Variants in UNC5D observed in about 807,000 individuals in gnomAD.
UNC5D encodes the protein unc-5 netrin receptor D, also known as netrin receptor UNC5D.
In UNC5D, 39 loss-of-function variants were observed where a neutral mutation model predicts 105.4. That is an observed-to-expected ratio of 0.37 (90% confidence interval 0.29 to 0.48). The LOEUF is 0.48. Ranked by LOEUF, UNC5D falls within the 20% of genes least tolerant of loss-of-function variation. The pLI, the probability that UNC5D is intolerant of heterozygous loss-of-function variation, is 0.98. For synonymous variants in UNC5D, 452 were observed against 450.4 expected, an observed-to-expected ratio of 1.00 and a Z score of -0.04; for missense variants, 991 against 1,202.4, an observed-to-expected ratio of 0.82 and a Z score of 2.60.
chr8:35,729,862 T>C (rs1225553117), intron 10 of UNC5D, among the ~76,000 whole-genome samples: 1 of 152,248 alleles, frequency 6.6e-6, no homozygotes, highest in Non-Finnish European at 1.5e-5. Context: ...TGGTGAAAGA[T>C]ACTGATAACT....
At chr8:35,349,970 T>A (rs1256790935) in intron 1 of UNC5D, among the ~76,000 whole-genome samples, 1 of 152,010 alleles carries the variant, frequency 6.6e-6, no homozygotes, top group Non-Finnish European at 1.5e-5. Context: ...GTGTCTACAT[T>A]GAATTGTCCA....
intron 1 of UNC5D, among the ~76,000 whole-genome samples, chr8:35,258,448 A>G (rs578031916): frequency 6.6e-5 from 10 of 152,274 alleles, no homozygotes; most frequent in Middle Eastern, 3.4e-3. Context: ...AGACTACTTG[A>G]GTTAGGATTC....
intron 2 of UNC5D, among the ~76,000 whole-genome samples, chr8:35,553,500 T>G (rs1816316908): frequency 6.6e-6 from 1 of 152,220 alleles, no homozygotes; most frequent in Non-Finnish European, 1.5e-5. Flanking sequence ...TAGCAGTTAC[T>G]TTTTTGTAAA....
chr8:35,313,472 A>T (rs1809050797), intron 1 of UNC5D, among the ~76,000 whole-genome samples: 1 of 152,176 alleles, frequency 6.6e-6, no homozygotes, highest in African/African-American at 2.4e-5. Context: ...TCCATATGGA[A>T]GTTTGCGATT....
At chr8:35,721,809 T>G (rs1025719671) in intron 8 of UNC5D, among the ~76,000 whole-genome samples, 1 of 152,232 alleles carries the variant, frequency 6.6e-6, no homozygotes, top group Non-Finnish European at 1.5e-5. Context: ...GCAGAGCAGA[T>G]CACCCATATT....
At chr8:35,710,345 T>G (rs1294322176) in intron 8 of UNC5D, among the ~76,000 whole-genome samples, 1 of 152,186 alleles carries the variant, frequency 6.6e-6, no homozygotes, top group African/African-American at 2.4e-5. Flanking sequence ...TTCCAAAATT[T>G]TGGCTATGCA....
intron 1 of UNC5D, among the ~76,000 whole-genome samples, chr8:35,490,601 C>G (rs1237348227): frequency 6.6e-6 from 1 of 151,896 alleles, no homozygotes; most frequent in African/African-American, 2.4e-5. Flanking sequence ...TATATCAAAC[C>G]TGAAATAAAG....
intron 1 of UNC5D, among the ~76,000 whole-genome samples, chr8:35,249,014 A>G (rs1204680700): frequency 2.4e-4 from 15 of 61,862 alleles, no homozygotes; most frequent in Non-Finnish European, 3.9e-4. Flanking sequence ...TATATAATAT[A>G]TATTATATAT....
chr8:35,777,020 C>T (rs1802279972), intron 16 of UNC5D, among the ~76,000 whole-genome samples: 1 of 152,154 alleles, frequency 6.6e-6, no homozygotes, highest in African/African-American at 2.4e-5. Flanking sequence ...CTTTGGGAGG[C>T]CAAGGTGGGC....
intron 1 of UNC5D, among the ~76,000 whole-genome samples, chr8:35,469,999 G>A (rs892781133): frequency 2.6e-5 from 4 of 152,170 alleles, no homozygotes; most frequent in Admixed American, 1.3e-4. Flanking sequence ...GATGAAGGAT[G>A]TTGTAAACAT....
chr8:35,494,169 C>T (rs182200207), intron 1 of UNC5D, among the ~76,000 whole-genome samples: 2 of 152,126 alleles, frequency 1.3e-5, no homozygotes, highest in East Asian at 3.9e-4. Flanking sequence ...ATACAAACTA[C>T]CTTTTCTGTG....
At chr8:35,674,214 A>G (rs957242682) in intron 4 of UNC5D, among the ~76,000 whole-genome samples, 16 of 152,158 alleles carry the variant, frequency 1.1e-4, no homozygotes, top group African/African-American at 3.9e-4. Flanking sequence ...CCTAAAATAC[A>G]TTTTCAAAAT....
At chr8:35,269,217 A>G (rs934040410) in intron 1 of UNC5D, among the ~76,000 whole-genome samples, 6 of 152,188 alleles carry the variant, frequency 3.9e-5, no homozygotes, top group African/African-American at 1.2e-4. Context: ...AAACAAAACA[A>G]AAAATGATAT....
At chr8:35,247,249 T>C (rs916735156) in intron 1 of UNC5D, among the ~76,000 whole-genome samples, 1 of 142,570 alleles carries the variant, frequency 7.0e-6, no homozygotes, top group Non-Finnish European at 1.5e-5. Flanking sequence ...GTTTATATTT[T>C]TCTAAAATAT....
At position 35,726,174 on chromosome 8, in the gene UNC5D, T is replaced by C. The variant is rs6983275; in HGVS notation, c.1326T>C (p.Ser442=). The C allele has an allele frequency of 0.05, 79,944 of 1,609,642 alleles. 9,737 individuals carry two copies. The highest frequency in any genetic ancestry group is 0.44 in the African/African-American group (32,721 of 74,784). The change falls in exon 10 of 17, where the codon TCT becomes TCC. Residue 442 remains serine, a synonymous_variant. Transcript: ENST00000404895. ...CAGGTAACTCCCTGCTCCTGAATTC[T>C]GCCATGCAGCCAGATCTGACAGTGA... ...VRQGNSLLLN[S]AMQPDLTVSR...
chr8:35,252,448 A>T (rs778235883), intron 1 of UNC5D, among the ~76,000 whole-genome samples: 18 of 152,112 alleles, frequency 1.2e-4, no homozygotes, highest in Non-Finnish European at 2.2e-4. Flanking sequence ...GTTTAAACAA[A>T]TATGTGTGTA....
intron 1 of UNC5D, among the ~76,000 whole-genome samples, chr8:35,428,406 A>C (rs1806393330): frequency 7.4e-6 from 1 of 135,468 alleles, no homozygotes; most frequent in Non-Finnish European, 1.5e-5. Context: ...TGCGGGTCTC[A>C]AACTCCTGGG....
At chr8:35,682,541 G>A (rs1253135284) in intron 4 of UNC5D, among the ~76,000 whole-genome samples, 1 of 152,170 alleles carries the variant, frequency 6.6e-6, no homozygotes, top group African/African-American at 2.4e-5. Context: ...CAAGAGATGT[G>A]TCTAGTACTA....
intron 1 of UNC5D, among the ~76,000 whole-genome samples, chr8:35,350,020 T>C (rs1308196916): frequency 1.3e-5 from 2 of 151,966 alleles, no homozygotes; most frequent in African/African-American, 2.4e-5. Context: ...CAGCACATAA[T>C]ATTCTTGTGT....
Sources: allele counts gnomAD v4.1 joint callset (sites outside exome capture counted in the v4.1 genomes callset), GRCh38; gene constraint gnomAD v4.1.1; transcripts MANE v1.5; gene names NCBI Gene and HGNC (gene_info 2026-07-23, HGNC 2026-07-21).